Variants in TRIT1 observed in about 807,000 individuals in gnomAD.
TRIT1 encodes the protein tRNA isopentenyltransferase 1.
In TRIT1, 43 loss-of-function variants were observed where a neutral mutation model predicts 51.2. That is an observed-to-expected ratio of 0.84 (90% CI 0.66 to 1.08). The LOEUF (loss-of-function observed/expected upper bound fraction) is 1.08, where lower values mean the gene tolerates loss of function less well. Among genes scored for constraint, TRIT1 ranks in the 50% least tolerant of loss-of-function variants. The pLI, the probability that TRIT1 is intolerant of heterozygous loss-of-function variation, is 0.00. For synonymous variants in TRIT1, 184 were observed against 203.9 expected, an observed-to-expected ratio of 0.90 and a Z score of 0.83; for missense variants, 528 against 578.4, an observed-to-expected ratio of 0.91 and a Z score of 0.89.
chr1:39,876,320 T>C (rs1012699628), intron 1 of TRIT1, among the ~76,000 whole-genome samples: 9 of 152,192 alleles, frequency 5.9e-5, no homozygotes, highest in African/African-American at 2.2e-4. Context: ...GCAAGCCTCA[T>C]CTGTGCTCTC....
chr1:39,867,474 A>G (rs1643618441), intron 1 of TRIT1, among the ~76,000 whole-genome samples: 1 of 152,252 alleles, frequency 6.6e-6, no homozygotes, highest in Non-Finnish European at 1.5e-5. Context: ...TGAGATGTGT[A>G]TAACATACAT....
chr1:39,854,069 G>A lies in TRIT1; in HGVS notation c.316-1C>T, dbSNP rs370155142. Reference sequence around the variant, plus strand: ...TGTCTCGGGCAAATATATCTTCAATGTGAACATTAAGAAAGATATCACGAT... The same window carrying A: ...TGTCTCGGGCAAATATATCTTCAATATGAACATTAAGAAAGATATCACGAT... On this transcript the variant is annotated splice_acceptor_variant, in intron 2 of 10. Coordinates refer to ENST00000316891, the MANE Select transcript of TRIT1 (RefSeq NM_017646.6). LOFTEE classifies it high-confidence loss of function. 3.8e-6 allele frequency: 6 copies of A among 1,586,750 alleles called. No homozygotes were observed. Among genetic ancestry groups the A allele is most frequent in the South Asian group, 1.1e-5 (1 of 88,998 alleles).
At position 39,840,627 on chromosome 1, in the gene TRIT1, A is replaced by G. The variant is rs1256497605; in HGVS notation, c.*1117T>C. On this transcript the variant is annotated 3_prime_UTR_variant, in exon 11 of 11. Coordinates refer to ENST00000316891, the MANE Select transcript of TRIT1 (RefSeq NM_017646.6). ...CTCATAGAGTAGATTCTGCACAAAC[A>G]AAATGTATTTGAATGGGGAGTTAAC... is the stretch of plus-strand genomic sequence containing the variant. Among the ~76,000 whole-genome samples, 1 of 152,194 alleles carries G rather than the reference A, an allele frequency of 6.6e-6. No homozygotes were observed. Among genetic ancestry groups the G allele is most frequent in the Admixed American group, 6.5e-5 (1 of 15,278 alleles).
rs771619860 is a variant in TRIT1, at chr1:39,883,469, C to T, written c.23G>A (p.Arg8Gln). 4 of 1,595,838 alleles carry T rather than the reference C, an allele frequency of 2.5e-6. No homozygotes were observed. The highest frequency in any genetic ancestry group is 1.1e-5 in the South Asian group (1 of 90,666). The change falls in exon 1 of 11, where the codon CGA becomes CAA. Residue 8 changes from arginine (R) to glutamine (Q), a missense_variant. By Grantham distance (43) the Arg-to-Gln change is conservative. Coordinates refer to ENST00000316891, the MANE Select transcript of TRIT1 (RefSeq NM_017646.6). MASVAAA[R>Q]AVPVGSGLRG... The stretch of plus-strand genomic sequence containing the variant: ...GAGCCCACTGCCCACGGGAACTGCT[C>T]GTGCAGCCGCCACGGACGCCATCTT...
Position 39,841,573 on chromosome 1 carries a change from T to C in TRIT1, c.*171A>G. ...AGGAGCTGACAAGACCTGCTGTTTC[T>C]ATTATAGAGAACGTGAGACTTTAAA... is the stretch of plus-strand genomic sequence containing the variant. On this transcript the variant is annotated 3_prime_UTR_variant, in exon 11 of 11. Coordinates refer to ENST00000316891, the MANE Select transcript of TRIT1 (RefSeq NM_017646.6). The C allele has an allele frequency of 1.7e-6, 1 of 598,550 alleles. No homozygotes were observed. The highest frequency in any genetic ancestry group is 2.8e-6 in the Non-Finnish European group (1 of 361,854). The allele number at this position is 598,550 out of a possible 1,614,324, so 37.1% of individuals were successfully genotyped here.
chr1:39,855,339 ACT>A (rs1642833370), intron 2 of TRIT1, among the ~76,000 whole-genome samples: 2 of 152,210 alleles, frequency 1.3e-5, no homozygotes, highest in African/African-American at 4.8e-5. Context: ...AAGAAAAAAC[ACT>A]GTTTGCTTTA....
In TRIT1 at chr1:39,854,016, T is replaced by C. The variant is rs767452261; in HGVS notation, c.368A>G (p.Asn123Ser). The change falls in exon 3 of 11, where the codon AAT becomes AGT. Residue 123 changes from asparagine to serine, a missense_variant. Physicochemically the swap from Asn to Ser is conservative, Grantham distance 46. This residue lies in a region of TRIT1 where 468 missense variants were observed against 522.6 expected (regional missense o/e 0.90). Transcript: ENST00000316891. ...DKIPIVVGGT[N>S]YYIESLLWKV... is the part of the protein sequence containing the mutation. ...CCAGAGCAGAGATTCAATGTAATAA[T>C]TGGTTCCTCCCACAACAATAGGAAT... 1.7e-5 allele frequency: 27 copies of C among 1,613,520 alleles called. No individual in the cohort carries two copies. The highest frequency in any genetic ancestry group is 3.3e-5 in the Admixed American group (2 of 59,894).
At chr1:39,856,895 C>A (rs182424785) in intron 2 of TRIT1, among the ~76,000 whole-genome samples, 2 of 152,308 alleles carry the variant, frequency 1.3e-5, no homozygotes, top group East Asian at 3.9e-4. Context: ...AAAGGCAGTT[C>A]TAGGACTGTA....
chr1:39,878,302 C>A (rs1200238078), intron 1 of TRIT1, among the ~76,000 whole-genome samples: 2 of 152,196 alleles, frequency 1.3e-5, no homozygotes, highest in East Asian at 3.9e-4. Context: ...GACACAATAC[C>A]TTTAACAACC....
At chr1:39,869,759 C>A (rs1486090579) in intron 1 of TRIT1, among the ~76,000 whole-genome samples, 1 of 151,770 alleles carries the variant, frequency 6.6e-6, no homozygotes, top group African/African-American at 2.4e-5. Context: ...CCGACCGCCA[C>A]CCCATCTGGG....
At chr1:39,860,804 G>A (rs1220623482) in intron 1 of TRIT1, among the ~76,000 whole-genome samples, 1 of 152,128 alleles carries the variant, frequency 6.6e-6, no homozygotes, top group East Asian at 1.9e-4. Flanking sequence ...AAAAAGCCGC[G>A]TGCAGTGGCT....
At position 39,870,226 on chromosome 1, in the gene TRIT1, T is replaced by C. The variant is rs1643813736; in HGVS notation, c.175-12809A>G. ...TGGCCTTACCCCCAACCCCGTGCTC[T>C]CTGAAACATGTGCTGTGTCCACTCA... is the stretch of plus-strand genomic sequence containing the variant. On this transcript the variant is annotated intron_variant, in intron 1 of 10. Coordinates refer to ENST00000316891, the MANE Select transcript of TRIT1 (RefSeq NM_017646.6). Among the ~76,000 whole-genome samples the C allele has an allele frequency of 3.9e-5, 6 of 152,204 alleles. No homozygotes were observed. In the South Asian group the frequency reaches 1.2e-3, roughly 31 times the overall value.
At chr1:39,869,827 C>G (rs1365429260) in intron 1 of TRIT1, among the ~76,000 whole-genome samples, 1 of 152,012 alleles carries the variant, frequency 6.6e-6, no homozygotes, top group East Asian at 1.9e-4. Context: ...CCCCTCCGCC[C>G]GGCAGCCGCC....
intron 1 of TRIT1, among the ~76,000 whole-genome samples, chr1:39,864,978 C>T (rs555714248): frequency 6.6e-6 from 1 of 152,332 alleles, no homozygotes; most frequent in Admixed American, 6.5e-5. Context: ...CCTTCAATCA[C>T]TTTCTTGCCT....
At chr1:39,842,143 A>G (rs1641946423) in intron 10 of TRIT1, among the ~76,000 whole-genome samples, 1 of 152,250 alleles carries the variant, frequency 6.6e-6, no homozygotes, top group Admixed American at 6.5e-5. Context: ...GCTCCCTGTT[A>G]GGTACTTTAC....
In TRIT1 at chr1:39,847,636, G is replaced by A; in HGVS notation, c.840C>T (p.Phe280=). The A allele has an allele frequency of 6.2e-7, 1 of 1,614,196 alleles. No individual in the cohort carries two copies. The highest frequency in any genetic ancestry group is 8.5e-7 in the Non-Finnish European group (1 of 1,180,024). Residue 280 remains phenylalanine (F), a synonymous_variant, in exon 7 of 11, where the codon TTC becomes TTT. Transcript: ENST00000316891. Reference sequence around the variant, plus strand: ...GAAATTCCTTGAAGCCAATTGATTGGAAGATACCATGTTGATAGTCCTGGC... The same window carrying A: ...GAAATTCCTTGAAGCCAATTGATTGAAAGATACCATGTTGATAGTCCTGGC... ...ENSQDYQHGI[F]QSIGFKEFHE... is the part of the protein sequence containing the mutation.
intron 1 of TRIT1, among the ~76,000 whole-genome samples, chr1:39,865,384 G>A (rs1214570733): frequency 1.3e-5 from 2 of 152,040 alleles, no homozygotes; most frequent in African/African-American, 4.8e-5. Flanking sequence ...ACTTTCTCTG[G>A]GTGACACCCA....
intron 1 of TRIT1, among the ~76,000 whole-genome samples, chr1:39,878,639 C>T (rs1210641884): frequency 1.3e-5 from 2 of 152,142 alleles, no homozygotes; most frequent in Non-Finnish European, 2.9e-5. Context: ...CTTGAAAAAA[C>T]TTTCTATGAT....
rs1173285361 is a variant in TRIT1 at position 39,839,002 on chromosome 1, A to G, written c.*2742T>C. ...TATTTTCAAGTCTAGATCTCTCTTC[A>G]GAATCAAAGTACTTTCTACCCACTT... On this transcript the variant is annotated 3_prime_UTR_variant, in exon 11 of 11. Coordinates refer to ENST00000316891, the MANE Select transcript of TRIT1 (RefSeq NM_017646.6). Among the ~76,000 whole-genome samples, 4 of 152,232 alleles carry G rather than the reference A, an allele frequency of 2.6e-5. No homozygotes were observed. Among genetic ancestry groups the G allele is most frequent in the Admixed American group, 1.3e-4 (2 of 15,286 alleles).
Sources: gnomAD v4.1 joint callset for allele counts (sites outside exome capture counted in the v4.1 genomes callset) on GRCh38, gnomAD v4.1.1 for gene constraint, gnomAD v4.1.1 regional missense constraint, MANE v1.5 for transcripts, NCBI Gene and HGNC (gene_info 2026-07-23, HGNC 2026-07-21) for gene names.